The following AKAP3 variants were observed in gnomAD, a reference collection of about 807,000 sequenced individuals.
The protein encoded by AKAP3 is A-kinase anchor protein 3.
A neutral mutation model predicts 57.2 loss-of-function variants in AKAP3; 27 were observed. That is an observed-to-expected ratio of 0.47 (90% confidence interval 0.35 to 0.65). The LOEUF is 0.65. Ranked by LOEUF, AKAP3 falls within the 30% of genes least tolerant of loss-of-function variation. AKAP3 has a pLI of 0.01. For missense variants in AKAP3, 959 were observed against 1,040.0 expected (o/e 0.92, Z 1.07); for synonymous variants, 334 against 392.3 (o/e 0.85, Z 1.76).
chr12:4,625,817 G>A lies in AKAP3; in HGVS notation c.2406+679C>T, dbSNP rs1056722657. Among the ~76,000 whole-genome samples, 3 of 152,080 alleles carry A rather than the reference G, an allele frequency of 2.0e-5. No homozygotes were observed. The highest frequency in any genetic ancestry group is 2.9e-5 in the Non-Finnish European group (2 of 68,030). The stretch of plus-strand genomic sequence containing the variant: ...TGTGAAGCATCTGGGGTAAGTGTGC[G>A]TGTTCTCCAGACTCAAACCCTCCCT... On this transcript the variant is annotated intron_variant, in intron 5 of 5. Coordinates refer to ENST00000228850, the MANE Select transcript of AKAP3 (RefSeq NM_001278309.2). This position sits in a 1 kb window ranked among gnomAD's most constrained non-coding sequence, Gnocchi z 5.4.
intron 5 of AKAP3, among the ~76,000 whole-genome samples, chr12:4,624,329 G>C (rs1485390737): frequency 2.2e-5 from 1 of 45,118 alleles, no homozygotes; most frequent in Non-Finnish European, 6.4e-5. Context: ...GTGTGTGTGT[G>C]TGTGTGTGTG....
chr12:4,615,737 G>A lies in AKAP3; in HGVS notation c.*2C>T, dbSNP rs760319063. 14 of 1,612,948 alleles carry A rather than the reference G, an allele frequency of 8.7e-6. No individual in the cohort carries two copies. In the Admixed American group the frequency reaches 1.0e-4, roughly 12 times the overall value. Reference sequence around the variant, plus strand: ...AAGAGGGGAAAGCAGTGGGGTTGCCGATTACAGGTTCACCATCAGCCAGTC... The same window carrying A: ...AAGAGGGGAAAGCAGTGGGGTTGCCAATTACAGGTTCACCATCAGCCAGTC... On this transcript the variant is annotated 3_prime_UTR_variant, in exon 6 of 6. Transcript: ENST00000228850.
chr12:4,615,829 C>T lies in AKAP3; in HGVS notation c.2472G>A (p.Val824=), dbSNP rs34215645. The stretch of plus-strand genomic sequence containing the variant: ...GCTGGCGCTCCTTCTCATAGCGCAG[C>T]ACCGACTGCAGAACCTCGCCCACAC... ...GCSVGEVLQS[V]LRYEKERQLN... Residue 824 remains valine (V), a synonymous_variant, in exon 6 of 6, where the codon GTG becomes GTA. Transcript: ENST00000228850. The T allele has an allele frequency of 9.7e-3, 15,626 of 1,614,222 alleles. 95 individuals are homozygous for T. The highest frequency in any genetic ancestry group is 0.012 in the Non-Finnish European group (14,272 of 1,180,036).
In AKAP3 at chr12:4,627,092, C is replaced by T; in HGVS notation, c.1810G>A (p.Glu604Lys). 6.2e-7 allele frequency: 1 copy of T among 1,614,164 alleles called. No individual in the cohort carries two copies. The highest frequency in any genetic ancestry group is 1.1e-5 in the South Asian group (1 of 91,082). ...FFNFIRNLLS[E>K]TIFKRDQSPE... ...CTCTGGTCACGCTTGAAAATGGTCT[C>T]ACTAAGTAAGTTCCGGATGAAATTA... Residue 604 changes from glutamate to lysine, a missense_variant, in exon 5 of 6, where the codon GAG becomes AAG. Glu to Lys is a moderately conservative substitution (Grantham distance 56, BLOSUM62 1). Coordinates refer to ENST00000228850, the MANE Select transcript of AKAP3 (RefSeq NM_001278309.2).
In AKAP3 at chr12:4,615,646, G is replaced by C; in HGVS notation, c.*93C>G. ...TGAAGATAATGTTAGGGCTCTGTGA[G>C]GATATAGAGGGGGAGATGTGGAAGT... On this transcript the variant is annotated 3_prime_UTR_variant, in exon 6 of 6. Coordinates refer to ENST00000228850, the MANE Select transcript of AKAP3 (RefSeq NM_001278309.2). The C allele has an allele frequency of 7.0e-7, 1 of 1,438,602 alleles. No homozygotes were observed. Among genetic ancestry groups the C allele is most frequent in the East Asian group, 2.3e-5 (1 of 43,520 alleles). The allele number at this position is 1,438,602 out of a possible 1,614,324, so 89.1% of individuals were successfully genotyped here. A position where few individuals can be genotyped will look rare whatever the true frequency, so the allele number is the denominator to read the frequency against.
chr12:4,628,300 C>CT lies in AKAP3; in HGVS notation c.601dup (p.Arg201LysfsTer32), dbSNP rs1236792478. On this transcript the variant is annotated frameshift_variant, in exon 5 of 6. Transcript: ENST00000228850. LOFTEE classifies it high-confidence loss of function. ...GGGACTTTGTGATGATCCCGAGACT[C>CT]TGTCTCCAGAGCCAGGAGCCTTGTC... is the stretch of plus-strand genomic sequence containing the variant. The CT allele has an allele frequency of 1.9e-6, 3 of 1,614,164 alleles. No homozygotes were observed. Among genetic ancestry groups the CT allele is most frequent in the East Asian group, 4.5e-5 (2 of 44,866 alleles).
chr12:4,646,508 T>C (rs1945700409), intron 1 of AKAP3, among the ~76,000 whole-genome samples: 1 of 151,942 alleles, frequency 6.6e-6, no homozygotes, highest in Admixed American at 6.6e-5. Flanking sequence ...CTGTCTCTAC[T>C]AAAAATACAA....
At chr12:4,624,821 T>TGC (rs1945390770) in intron 5 of AKAP3, among the ~76,000 whole-genome samples, 1 of 148,420 alleles carries the variant, frequency 6.7e-6, no homozygotes, top group Non-Finnish European at 1.5e-5. Flanking sequence ...TGTGTGTGTG[T>TGC]GTGTATATAA....
At position 4,628,432 on chromosome 12, in the gene AKAP3, T is replaced by A; in HGVS notation, c.470A>T (p.Gln157Leu). ...IDGSENKCVY[Q>L]SLYMGNEPTP... is the part of the protein sequence containing the mutation. ...GGGTTCATTCCCCATGTACAATGACTGATAGACACATTTGTTTTCAGAGCC... is the reference window on the plus strand; with the variant it reads ...GGGTTCATTCCCCATGTACAATGACAGATAGACACATTTGTTTTCAGAGCC... The change falls in exon 5 of 6, where the codon CAG becomes CTG. Residue 157 changes from glutamine (Q) to leucine (L), a missense_variant. Coordinates refer to ENST00000228850, the MANE Select transcript of AKAP3 (RefSeq NM_001278309.2). The A allele has an allele frequency of 6.2e-7, 1 of 1,614,198 alleles. No individual in the cohort carries two copies. The highest frequency in any genetic ancestry group is 8.5e-7 in the Non-Finnish European group (1 of 1,180,024).
In AKAP3 at chr12:4,627,157, T is replaced by A; in HGVS notation, c.1745A>T (p.Gln582Leu). Reference sequence around the variant, plus strand: ...TAGGTCCTTCTTTTCTGCTTGTTCTTGGTCACCTACAATGGGAGCAGACTT... The same window carrying A: ...TAGGTCCTTCTTTTCTGCTTGTTCTAGGTCACCTACAATGGGAGCAGACTT... ...CLKSAPIVGD[Q>L]EQAEKKDLRS... Residue 582 changes from glutamine (Q) to leucine (L), a missense_variant, in exon 5 of 6, where the codon CAA (glutamine) becomes CTA (leucine). Transcript: ENST00000228850. The A allele has an allele frequency of 6.2e-7, 1 of 1,614,142 alleles. No homozygotes were observed. Among genetic ancestry groups the A allele is most frequent in the Non-Finnish European group, 8.5e-7 (1 of 1,180,028 alleles).
chr12:4,630,884 AATG>A (rs1945489616), intron 4 of AKAP3, among the ~76,000 whole-genome samples: 1 of 152,180 alleles, frequency 6.6e-6, no homozygotes, highest in Admixed American at 6.5e-5. Flanking sequence ...GTTCCTTGTT[AATG>A]AGTTAAATAA....
In AKAP3 at chr12:4,636,025, A is replaced by G. The variant is rs536015271; in HGVS notation, c.96+2076T>C. On this transcript the variant is annotated intron_variant, in intron 4 of 5. Coordinates refer to ENST00000228850, the MANE Select transcript of AKAP3 (RefSeq NM_001278309.2). ...AATGGTACTCTCTTGAAATTCATGA[A>G]ATGGGCCTTTCACAAAACGAAGCAC... is the stretch of plus-strand genomic sequence containing the variant. The G allele has an allele frequency of 2.8e-4, 425 of 1,504,600 alleles. 2 individuals are homozygous for G. Among genetic ancestry groups the G allele is most frequent in the Admixed American group, 9.5e-4 (56 of 59,220 alleles). 93.2% of individuals were successfully genotyped at this position (1,504,600 alleles called of 1,614,324 possible).
rs1348407824 is a variant in AKAP3, at chr12:4,631,335, A to G, written c.97-2530T>C. On this transcript the variant is annotated intron_variant, in intron 4 of 5. Coordinates refer to ENST00000228850, the MANE Select transcript of AKAP3 (RefSeq NM_001278309.2). Reference sequence around the variant, plus strand: ...GTCCATCTTAAGCTCACCAACTAAGACGTTTGTGCTCACATGGAAGGAGAA... The same window carrying G: ...GTCCATCTTAAGCTCACCAACTAAGGCGTTTGTGCTCACATGGAAGGAGAA... The G allele has an allele frequency of 7.1e-6, 5 of 701,824 alleles. No homozygotes were observed. The South Asian group carries it at 7.4e-5, about 10-fold the overall frequency. 43.5% of individuals were successfully genotyped at this position (701,824 alleles called of 1,614,324 possible). A position where few individuals can be genotyped will look rare whatever the true frequency, so the allele number is the denominator to read the frequency against.
intron 4 of AKAP3, chr12:4,635,215 G>T: frequency 3.9e-6 from 1 of 255,384 alleles, no homozygotes; most frequent in Non-Finnish European, 7.7e-6. Context: ...AAATAATTCT[G>T]CATTAGAAAC....
chr12:4,623,262 T>C (rs545140056), intron 5 of AKAP3, among the ~76,000 whole-genome samples: 29 of 152,338 alleles, frequency 1.9e-4, no homozygotes, highest in Non-Finnish European at 3.2e-4. Context: ...ACTGGGTGTA[T>C]ATCCAAAGGA....
At chr12:4,637,727 T>C (rs550266082) in intron 4 of AKAP3, among the ~76,000 whole-genome samples, 2 of 152,182 alleles carry the variant, frequency 1.3e-5, no homozygotes, top group African/African-American at 4.8e-5. Context: ...TCCTACACTT[T>C]AGAAAATATT....
chr12:4,623,558 A>T (rs761585627), intron 5 of AKAP3, among the ~76,000 whole-genome samples: 35 of 152,196 alleles, frequency 2.3e-4, no homozygotes, highest in Non-Finnish European at 3.8e-4. Flanking sequence ...AATGATGAGA[A>T]CACATGGACA....
rs765777754 is a variant in AKAP3 at position 4,628,371 on chromosome 12, C to G, written c.531G>C (p.Glu177Asp). Residue 177 changes from glutamate to aspartate, a missense_variant, in exon 5 of 6, where the codon GAG (glutamate) becomes GAC (aspartate). Physicochemically the swap from Glu to Asp is conservative, Grantham distance 45. Coordinates refer to ENST00000228850, the MANE Select transcript of AKAP3 (RefSeq NM_001278309.2). ...ATGCAGAGACGGTCTCATTCACAAGCTCTGATGCTATCTTACTGAGGCTTT... is the reference window on the plus strand; with the variant it reads ...ATGCAGAGACGGTCTCATTCACAAGGTCTGATGCTATCTTACTGAGGCTTT... ...PTKSLSKIAS[E>D]LVNETVSACS... is the part of the protein sequence containing the mutation. The G allele has an allele frequency of 6.2e-7, 1 of 1,614,210 alleles. No individual in the cohort carries two copies. Among genetic ancestry groups the G allele is most frequent in the South Asian group, 1.1e-5 (1 of 91,088 alleles).
At chr12:4,617,298 T>C (rs550652163) in intron 5 of AKAP3, among the ~76,000 whole-genome samples, 8 of 152,188 alleles carry the variant, frequency 5.3e-5, no homozygotes, top group Non-Finnish European at 1.2e-4. Flanking sequence ...AGAGAATTCA[T>C]TGCCAGAAAA....
Sources: allele counts gnomAD v4.1 joint callset (sites outside exome capture counted in the v4.1 genomes callset), GRCh38; gene constraint gnomAD v4.1.1; non-coding constraint Gnocchi (gnomAD v3.1); transcripts MANE v1.5; gene names NCBI Gene and HGNC (gene_info 2026-07-23, HGNC 2026-07-21).